The following MYO3B variants were observed in gnomAD, a reference collection of about 807,000 sequenced individuals.
The protein encoded by MYO3B is myosin IIIB.
In MYO3B, 156 loss-of-function variants were observed where a neutral mutation model predicts 174.6. The ratio of observed to expected loss-of-function variants is 0.89; its 90% CI spans 0.78 to 1.02. The LOEUF is 1.02. MYO3B is among the 50% of genes least tolerant of loss of function. The pLI is 0.00. For missense variants in MYO3B, 1,632 were observed against 1,639.4 expected (o/e 1.00, Z 0.08); for synonymous variants, 563 against 569.1 (o/e 0.99, Z 0.15).
chr2:170,213,350 G>A (rs546271056), intron 3 of MYO3B, among the ~76,000 whole-genome samples: 2 of 152,306 alleles, frequency 1.3e-5, no homozygotes, highest in South Asian at 4.1e-4. Flanking sequence ...AGAGAGTCGT[G>A]ATCGATTGAC....
chr2:170,285,150 A>G (rs75768576), intron 7 of MYO3B, among the ~76,000 whole-genome samples: 3,053 of 152,292 alleles, frequency 0.02, 33 homozygotes, highest in Non-Finnish European at 0.028. Flanking sequence ...TTGTTATTAC[A>G]ATACAAATAA....
chr2:170,523,611 G>A (rs760094111), intron 30 of MYO3B, among the ~76,000 whole-genome samples: 2 of 152,088 alleles, frequency 1.3e-5, no homozygotes, highest in African/African-American at 2.4e-5. Context: ...TCCAGGGCTC[G>A]GTCAGCCATT....
intron 6 of MYO3B, among the ~76,000 whole-genome samples, chr2:170,220,800 C>T (rs11679035): frequency 0.23 from 34,709 of 151,682 alleles, 4,936 homozygotes; most frequent in East Asian, 0.42. Context: ...AAGGTATGGA[C>T]ACCTTGACAG....
At chr2:170,508,827 C>A (rs1470928624) in intron 28 of MYO3B, among the ~76,000 whole-genome samples, 4 of 152,210 alleles carry the variant, frequency 2.6e-5, no homozygotes, top group Non-Finnish European at 4.4e-5. Flanking sequence ...AAGTACTTAA[C>A]TTCTGAGCCT....
intron 9 of MYO3B, 93 bp downstream of exon 9, chr2:170,369,470 A>T: frequency 2.2e-6 from 3 of 1,344,338 alleles, no homozygotes; most frequent in Non-Finnish European, 3.1e-6. Flanking sequence ...ACTGGTAGTT[A>T]TTACATTCCT....
At chr2:170,610,979 C>G (rs1373280906) in intron 32 of MYO3B, among the ~76,000 whole-genome samples, 1 of 152,010 alleles carries the variant, frequency 6.6e-6, no homozygotes, top group Non-Finnish European at 1.5e-5. Context: ...GTCTCTGAAC[C>G]AAGTAGTTGC....
At chr2:170,553,525 C>T (rs1005773475) in intron 32 of MYO3B, among the ~76,000 whole-genome samples, 6 of 152,158 alleles carry the variant, frequency 3.9e-5, no homozygotes, top group Admixed American at 3.3e-4. Flanking sequence ...ATGCCTGTAC[C>T]CCCATTGTAT....
At chr2:170,375,818 T>G (rs2094288698) in intron 9 of MYO3B, among the ~76,000 whole-genome samples, 1 of 152,070 alleles carries the variant, frequency 6.6e-6, no homozygotes. Context: ...AAAGATTACT[T>G]CATAAAGTGC....
chr2:170,451,355 A>G (rs1683584938), intron 23 of MYO3B, among the ~76,000 whole-genome samples: 1 of 152,270 alleles, frequency 6.6e-6, no homozygotes, highest in African/African-American at 2.4e-5. Context: ...GGCTTACGCC[A>G]CATGTCCCTA....
At chr2:170,577,475 T>C (rs1043212882) in intron 32 of MYO3B, among the ~76,000 whole-genome samples, 1 of 152,184 alleles carries the variant, frequency 6.6e-6, no homozygotes, top group Non-Finnish European at 1.5e-5. Flanking sequence ...ATTAGAAGAC[T>C]AACAATTTTA....
intron 17 of MYO3B, 118 bp from the exon 18 acceptor site, chr2:170,401,363 T>C: frequency 2.2e-6 from 2 of 897,918 alleles, no homozygotes; most frequent in Non-Finnish European, 3.5e-6. Flanking sequence ...CCTGTTTATC[T>C]TTGAGTCAAA....
chr2:170,306,830 A>C (rs1445429354), intron 7 of MYO3B, among the ~76,000 whole-genome samples: 2 of 152,200 alleles, frequency 1.3e-5, no homozygotes, highest in Non-Finnish European at 2.9e-5. Context: ...GTGTCATCTT[A>C]GTGCATAAAA....
intron 30 of MYO3B, chr2:170,524,660 T>G (rs1380093699): frequency 3.1e-6 from 1 of 327,558 alleles, no homozygotes; most frequent in Non-Finnish European, 6.0e-6. Flanking sequence ...ATTTTTGTGT[T>G]TTTAGTGGAG....
chr2:170,485,420 C>CACACACACACACAG (rs777460347), intron 25 of MYO3B, among the ~76,000 whole-genome samples: 6 of 127,852 alleles, frequency 4.7e-5, no homozygotes, highest in African/African-American at 1.2e-4. Flanking sequence ...CACACACACA[C>CACACACACACACAG]AGAGAGAGAG....
rs1454845333 is a variant in MYO3B, at chr2:170,406,169, G to A, written c.2520+536G>A. Among the ~76,000 whole-genome samples, 11 of 152,268 alleles carry A rather than the reference G, an allele frequency of 7.2e-5. No homozygotes were observed. The East Asian group carries it at 2.1e-3, about 29-fold the overall frequency. ...TCAGTCTCAATTTCAAGTTCCTGAA[G>A]CAGATTAGTGACTGATTCAGGAAAT... On this transcript the variant is annotated intron_variant, in intron 21 of 34. Transcript: ENST00000408978.
At chr2:170,624,111 A>T (rs1696180656) in intron 32 of MYO3B, among the ~76,000 whole-genome samples, 1 of 152,228 alleles carries the variant, frequency 6.6e-6, no homozygotes, top group Non-Finnish European at 1.5e-5. Flanking sequence ...TCTGTGAAGA[A>T]AGTCATTGGT....
At chr2:170,374,650 G>C (rs370250983) in intron 9 of MYO3B, among the ~76,000 whole-genome samples, 1 of 152,024 alleles carries the variant, frequency 6.6e-6, no homozygotes, top group South Asian at 2.1e-4. Flanking sequence ...TAAGTCCCCT[G>C]TCTCACCTCT....
In MYO3B at chr2:170,391,627, CA is replaced by C. The variant is rs2094412537; in HGVS notation, c.1676+10del. On this transcript the variant is annotated intron_variant, in intron 15 of 34. Coordinates refer to ENST00000408978, the MANE Select transcript of MYO3B (RefSeq NM_138995.5). ...GAGGAAAAACCTCCTAGGTAAGTGT[CA>C]GGGGGGTTGGTTGTTAATTTTTGAT... is the stretch of plus-strand genomic sequence containing the variant. 1 of 1,491,824 alleles carries C rather than the reference CA, an allele frequency of 6.7e-7. No homozygotes were observed. Among genetic ancestry groups the C allele is most frequent in the Admixed American group, 2.2e-5 (1 of 45,786 alleles). 92.4% of individuals were successfully genotyped at this position (1,491,824 alleles called of 1,614,324 possible). A position where few individuals can be genotyped will look rare whatever the true frequency, so the allele number is the denominator to read the frequency against.
intron 23 of MYO3B, among the ~76,000 whole-genome samples, chr2:170,449,176 G>A (rs75292120): frequency 0.02 from 3,031 of 152,300 alleles, 44 homozygotes; most frequent in Non-Finnish European, 0.03. Flanking sequence ...TACACGGACT[G>A]TGTAGACAAG....
Sources: gnomAD v4.1 joint callset for allele counts (sites outside exome capture counted in the v4.1 genomes callset) on GRCh38, gnomAD v4.1.1 for gene constraint, MANE v1.5 for transcripts, NCBI Gene and HGNC (gene_info 2026-07-23, HGNC 2026-07-21) for gene names.